Variants in ELK3 observed in about 807,000 individuals in gnomAD.
ELK3 encodes the protein ETS transcription factor ELK3.
A neutral mutation model predicts 28.9 loss-of-function variants in ELK3; 10 were observed. That is an observed-to-expected ratio of 0.35 (90% CI 0.21 to 0.59). ELK3 has a LOEUF of 0.59. Ranked by LOEUF, ELK3 falls within the 20% of genes least tolerant of loss-of-function variation. The pLI, the probability that ELK3 is intolerant of heterozygous loss-of-function variation, is 0.82. For synonymous variants in ELK3, 272 were observed against 243.5 expected, an observed-to-expected ratio of 1.12 and a Z score of -1.09; for missense variants, 463 against 517.3, an observed-to-expected ratio of 0.90 and a Z score of 1.02.
intron 3 of ELK3, among the ~76,000 whole-genome samples, chr12:96,249,855 C>G (rs1304862630): frequency 8.0e-6 from 1 of 125,284 alleles, no homozygotes; most frequent in Non-Finnish European, 1.7e-5. Context: ...GAGGGCACGA[C>G]CAGGAGCCAG....
rs1466453469 is a variant in ELK3 at position 96,237,388 on chromosome 12, T to C, written c.208-9552T>C. 3.3e-5 allele frequency among the ~76,000 whole-genome samples: 5 copies of C among 150,952 alleles called. No homozygotes were observed. In the Admixed American group the frequency reaches 3.3e-4, roughly 10 times the overall value. ...GAGTCCAGGATCATAAGATGCTCTT[T>C]AGTGGGGGTGGGTGTGAGGTGAGCC... On this transcript the variant is annotated intron_variant, in intron 2 of 4. Coordinates refer to ENST00000228741, the MANE Select transcript of ELK3 (RefSeq NM_005230.4).
intron 1 of ELK3, among the ~76,000 whole-genome samples, chr12:96,208,817 G>T (rs1951555986): frequency 6.6e-6 from 1 of 152,240 alleles, no homozygotes; most frequent in African/African-American, 2.4e-5. Flanking sequence ...TAGAACCAGG[G>T]AGGTAGAATG....
intron 1 of ELK3, among the ~76,000 whole-genome samples, chr12:96,208,685 A>G (rs1408658053): frequency 6.6e-6 from 1 of 152,230 alleles, no homozygotes; most frequent in Non-Finnish European, 1.5e-5. Flanking sequence ...GGAGCCTATG[A>G]GATGCACTGT....
At chr12:96,199,376 A>G (rs1410067465) in intron 1 of ELK3, among the ~76,000 whole-genome samples, 2 of 152,106 alleles carry the variant, frequency 1.3e-5, no homozygotes, top group African/African-American at 2.4e-5. Flanking sequence ...GTTCATAGCC[A>G]CTTTGAATTG....
chr12:96,228,922 G>A (rs1334519081), intron 2 of ELK3, among the ~76,000 whole-genome samples: 2 of 152,226 alleles, frequency 1.3e-5, no homozygotes, highest in African/African-American at 4.8e-5. Flanking sequence ...CGCGGATAAG[G>A]TGCTTAGCAC....
At chr12:96,217,937 CAA>C (rs34565681) in intron 1 of ELK3, among the ~76,000 whole-genome samples, 21 of 85,720 alleles carry the variant, frequency 2.4e-4, no homozygotes, top group African/African-American at 1.7e-4. Flanking sequence ...GACGCCGTCT[CAA>C]AAAAAAAAAA....
At chr12:96,239,734 G>A (rs1300481825) in intron 2 of ELK3, among the ~76,000 whole-genome samples, 3 of 152,214 alleles carry the variant, frequency 2.0e-5, no homozygotes, top group Admixed American at 2.0e-4. Flanking sequence ...GCAGCTTCCC[G>A]TTGGCCTCTC....
At chr12:96,260,216 G>A (rs1951982929) in intron 4 of ELK3, among the ~76,000 whole-genome samples, 9 of 152,106 alleles carry the variant, frequency 5.9e-5, no homozygotes, top group Admixed American at 5.9e-4. Flanking sequence ...GGTTGAGGGT[G>A]GGAGGATTGT....
At chr12:96,251,018 A>G (rs1219715012) in intron 3 of ELK3, among the ~76,000 whole-genome samples, 3 of 152,172 alleles carry the variant, frequency 2.0e-5, no homozygotes, top group African/African-American at 7.2e-5. Flanking sequence ...ACGTTTCACA[A>G]TTAATTGGTG....
intron 1 of ELK3, among the ~76,000 whole-genome samples, chr12:96,203,902 T>C (rs910902950): frequency 2.6e-5 from 4 of 152,106 alleles, no homozygotes; most frequent in Non-Finnish European, 4.4e-5. Flanking sequence ...GATTGTGCCA[T>C]TACACTCCAG....
intron 1 of ELK3, among the ~76,000 whole-genome samples, chr12:96,204,804 C>T (rs1951529522): frequency 6.6e-6 from 1 of 152,212 alleles, no homozygotes; most frequent in South Asian, 2.1e-4. Context: ...TTCCCTAACA[C>T]TAAAAGTTAA....
chr12:96,204,023 A>G (rs534131285), intron 1 of ELK3, among the ~76,000 whole-genome samples: 1 of 152,192 alleles, frequency 6.6e-6, no homozygotes, highest in Non-Finnish European at 1.5e-5. Flanking sequence ...AGAAAAGTGG[A>G]TATATAGAAA....
At chr12:96,228,913 G>A (rs1314445182) in intron 2 of ELK3, among the ~76,000 whole-genome samples, 10 of 152,260 alleles carry the variant, frequency 6.6e-5, no homozygotes, top group Admixed American at 3.3e-4. Context: ...ATAAGATGAC[G>A]CGGATAAGGT....
At chr12:96,221,600 C>A (rs1346208276) in intron 1 of ELK3, among the ~76,000 whole-genome samples, 1 of 152,162 alleles carries the variant, frequency 6.6e-6, no homozygotes, top group Non-Finnish European at 1.5e-5. Flanking sequence ...CAACTGTTAG[C>A]CGTTCTTAGT....
chr12:96,246,817 T>C, intron 2 of ELK3, 123 bp from the exon 3 acceptor site: 2 of 1,005,430 alleles, frequency 2.0e-6, no homozygotes, highest in Non-Finnish European at 1.4e-6. Flanking sequence ...CACTTTTCCT[T>C]AGCCAAGAAT....
At chr12:96,246,336 A>G (rs1951855087) in intron 2 of ELK3, among the ~76,000 whole-genome samples, 1 of 152,190 alleles carries the variant, frequency 6.6e-6, no homozygotes, top group Admixed American at 6.5e-5. Context: ...ATGAGATAAG[A>G]TATGAATAAT....
At chr12:96,199,513 T>TGTGTGA (rs767355351) in intron 1 of ELK3, among the ~76,000 whole-genome samples, 20 of 151,080 alleles carry the variant, frequency 1.3e-4, no homozygotes, top group Non-Finnish European at 2.1e-4. Flanking sequence ...TGTGTGTGTG[T>TGTGTGA]GACCTTCTGT....
chr12:96,229,523 CTTTTTTTTT>C (rs10578974), intron 2 of ELK3, among the ~76,000 whole-genome samples: 24 of 66,316 alleles, frequency 3.6e-4, no homozygotes, highest in East Asian at 1.6e-3. Context: ...CCAGATTTTC[CTTTTTTTTT>C]TTTTTTTTTT....
At chr12:96,211,118 A>G (rs2137005457) in intron 1 of ELK3, among the ~76,000 whole-genome samples, 1 of 152,374 alleles carries the variant, frequency 6.6e-6, no homozygotes, top group East Asian at 1.9e-4. Context: ...TATTAAATTT[A>G]GACAGCATGT....
Sources: gnomAD v4.1 joint callset for allele counts (sites outside exome capture counted in the v4.1 genomes callset) on GRCh38, gnomAD v4.1.1 for gene constraint, MANE v1.5 for transcripts, NCBI Gene and HGNC (gene_info 2026-07-23, HGNC 2026-07-21) for gene names.